Variants in FARS2 observed in about 807,000 individuals in gnomAD.
FARS2 encodes phenylalanyl-tRNA synthetase 2, mitochondrial.
A neutral mutation model predicts 46.4 loss-of-function variants in FARS2; 40 were observed. That is an observed-to-expected ratio of 0.86 (90% CI 0.67 to 1.12). The LOEUF (loss-of-function observed/expected upper bound fraction) is 1.12. FARS2 is among the 50% of genes most tolerant of loss of function. The pLI, the probability that FARS2 is intolerant of heterozygous loss-of-function variation, is 0.00. For missense variants in FARS2, 513 were observed against 567.9 expected (o/e 0.90, Z 0.98); for synonymous variants, 234 against 214.9 (o/e 1.09, Z -0.78).
At chr6:5,502,753 C>T (rs894451412) in intron 4 of FARS2, among the ~76,000 whole-genome samples, 1 of 152,198 alleles carries the variant, frequency 6.6e-6, no homozygotes, top group Non-Finnish European at 1.5e-5. Context: ...CAGGTTTTCT[C>T]GCACACATGT....
chr6:5,454,030 T>C (rs1287073734), intron 4 of FARS2, among the ~76,000 whole-genome samples: 2 of 152,162 alleles, frequency 1.3e-5, no homozygotes, highest in East Asian at 1.9e-4. Context: ...ATATTATTAT[T>C]ATTATTGTTT....
chr6:5,260,836 T>A (rs1049976190), upstream of FARS2: 3 of 1,512,242 alleles, frequency 2.0e-6, no homozygotes, highest in African/African-American at 2.8e-5. Context: ...CGAAATAAAA[T>A]GCTGCGGCTC....
intron 2 of FARS2, among the ~76,000 whole-genome samples, chr6:5,374,810 AT>A (rs764453377): frequency 7.2e-5 from 11 of 152,140 alleles, no homozygotes; most frequent in South Asian, 4.1e-4. Context: ...GAGAAAAAGC[AT>A]GTGATCATCT....
intron 6 of FARS2, among the ~76,000 whole-genome samples, chr6:5,648,332 G>A (rs1465696620): frequency 2.0e-5 from 3 of 152,188 alleles, no homozygotes; most frequent in Non-Finnish European, 4.4e-5. Context: ...AGTCTCTGCT[G>A]TCACTTACTG....
At chr6:5,365,590 G>T (rs1350529717) in intron 1 of FARS2, among the ~76,000 whole-genome samples, 2 of 145,128 alleles carry the variant, frequency 1.4e-5, no homozygotes, top group Non-Finnish European at 3.0e-5. Context: ...GGGCCCAAGT[G>T]ATCCTTTCGC....
intron 4 of FARS2, among the ~76,000 whole-genome samples, chr6:5,541,632 T>C (rs926839871): frequency 1.3e-5 from 2 of 152,220 alleles, no homozygotes; most frequent in African/African-American, 4.8e-5. Flanking sequence ...TTTTTATTAC[T>C]AGGTCATATT....
intron 4 of FARS2, among the ~76,000 whole-genome samples, chr6:5,525,669 A>G (rs1769419048): frequency 6.6e-6 from 1 of 152,254 alleles, no homozygotes; most frequent in African/African-American, 2.4e-5. Flanking sequence ...AAGCAGTTCA[A>G]AGAGCTTGCC....
At chr6:5,693,203 C>G (rs1757877735) in intron 6 of FARS2, among the ~76,000 whole-genome samples, 1 of 152,178 alleles carries the variant, frequency 6.6e-6, no homozygotes, top group African/African-American at 2.4e-5. Context: ...TAAACAGCCA[C>G]AGAGACAACT....
intron 4 of FARS2, among the ~76,000 whole-genome samples, chr6:5,527,325 T>G (rs1182244804): frequency 2.0e-5 from 3 of 152,242 alleles, no homozygotes; most frequent in African/African-American, 7.2e-5. Context: ...TCTCCATAAT[T>G]TTGGCTCAGA....
At chr6:5,285,212 G>T (rs1561931755) in intron 1 of FARS2, among the ~76,000 whole-genome samples, 4 of 152,174 alleles carry the variant, frequency 2.6e-5, no homozygotes, top group African/African-American at 9.7e-5. Flanking sequence ...AAGCAGTCAG[G>T]GTGAGAAGCA....
At chr6:5,293,168 C>G (rs1023892492) in intron 1 of FARS2, among the ~76,000 whole-genome samples, 1 of 152,074 alleles carries the variant, frequency 6.6e-6, no homozygotes, top group Non-Finnish European at 1.5e-5. Flanking sequence ...TGAGGAATTG[C>G]GAACAAGAAG....
chr6:5,430,616 A>T (rs529780281), intron 3 of FARS2, among the ~76,000 whole-genome samples: 1 of 151,990 alleles, frequency 6.6e-6, no homozygotes, highest in Non-Finnish European at 1.5e-5. Context: ...TGATCAGTTT[A>T]TCTTGAATTG....
chr6:5,571,927 C>T (rs1008489038), intron 5 of FARS2, among the ~76,000 whole-genome samples: 3 of 152,160 alleles, frequency 2.0e-5, no homozygotes, highest in Admixed American at 1.3e-4. Context: ...AGACCAAACC[C>T]ACAGTCACCT....
At chr6:5,544,588 G>A (rs930739883) in intron 4 of FARS2, among the ~76,000 whole-genome samples, 5 of 152,194 alleles carry the variant, frequency 3.3e-5, no homozygotes, top group African/African-American at 1.2e-4. Flanking sequence ...TACCTTTGGA[G>A]TAGGTGGTGC....
intron 4 of FARS2, among the ~76,000 whole-genome samples, chr6:5,449,793 G>A (rs564590471): frequency 6.6e-6 from 1 of 152,316 alleles, no homozygotes; most frequent in South Asian, 2.1e-4. Flanking sequence ...TTTCCTTTGA[G>A]CATCATGTGG....
At chr6:5,473,379 T>C (rs1327466964) in intron 4 of FARS2, among the ~76,000 whole-genome samples, 1 of 151,882 alleles carries the variant, frequency 6.6e-6, no homozygotes, top group Non-Finnish European at 1.5e-5. Context: ...ACAAAAAAAT[T>C]AGCCGGGAAT....
chr6:5,597,013 C>T (rs556955378), intron 5 of FARS2, among the ~76,000 whole-genome samples: 1 of 152,304 alleles, frequency 6.6e-6, no homozygotes, highest in African/African-American at 2.4e-5. Flanking sequence ...GTGCTGAGCA[C>T]CCGCTTTTGC....
In FARS2 at chr6:5,442,399, G is replaced by GTATA. The variant is rs113883606; in HGVS notation, c.904+11240_904+11243dup. 5.7e-4 allele frequency among the ~76,000 whole-genome samples: 73 copies of GTATA among 129,032 alleles called. 1 individual carries two copies. The highest frequency in any genetic ancestry group is 9.5e-4 in the Non-Finnish European group (55 of 57,820). The allele number at this position is 129,032 out of a possible 152,430, so 84.7% of individuals were successfully genotyped here. ...AGTTGCTCTTTCATAAATGGAATGT[G>GTATA]TATATATATATATATACACACACAC... On this transcript the variant is annotated intron_variant, in intron 4 of 6. Transcript: ENST00000274680.
intron 6 of FARS2, among the ~76,000 whole-genome samples, chr6:5,643,013 A>T (rs1776900335): frequency 6.6e-6 from 1 of 152,228 alleles, no homozygotes; most frequent in Non-Finnish European, 1.5e-5. Context: ...TCCCAGAGAG[A>T]TGAGCTTAAA....
Sources: gnomAD v4.1 joint callset for allele counts (sites outside exome capture counted in the v4.1 genomes callset) on GRCh38, gnomAD v4.1.1 for gene constraint, MANE v1.5 for transcripts, NCBI Gene and HGNC (gene_info 2026-07-23, HGNC 2026-07-21) for gene names.